Variants in SPAG9 observed in about 807,000 individuals in gnomAD.
The protein encoded by SPAG9 is sperm associated antigen 9.
In SPAG9, 35 loss-of-function variants were observed where a neutral mutation model predicts 166.5. That is an observed-to-expected ratio of 0.21 (90% CI 0.16 to 0.28). The LOEUF (loss-of-function observed/expected upper bound fraction) is 0.28, where lower values mean the gene tolerates loss of function less well. Ranked by LOEUF, SPAG9 falls within the 10% of genes least tolerant of loss-of-function variation. The probability of loss-of-function intolerance (pLI) is 1.00; values close to 1 mark genes in which losing one functional copy is unlikely to be tolerated. For missense variants in SPAG9, 1,235 were observed against 1,603.3 expected, an observed-to-expected ratio of 0.77 and a Z score of 3.92; for synonymous variants, 534 against 565.5, an observed-to-expected ratio of 0.94 and a Z score of 0.79.
chr17:51,074,052 C>T (rs148457337), intron 2 of SPAG9, among the ~76,000 whole-genome samples: 1,882 of 151,476 alleles, frequency 0.012, 29 homozygotes, highest in African/African-American at 0.044. Flanking sequence ...ATGGCTAACA[C>T]GGTGAAACCC....
intron 29 of SPAG9, among the ~76,000 whole-genome samples, chr17:50,967,226 C>T (rs1181621686): frequency 6.6e-6 from 1 of 152,144 alleles, no homozygotes; most frequent in Non-Finnish European, 1.5e-5. Flanking sequence ...TTGGCACAAC[C>T]CAGTGAAAAG....
rs1009605560 is a variant in SPAG9 at position 51,107,039 on chromosome 17, T to C, written c.303+13315A>G. On this transcript the variant is annotated intron_variant, in intron 1 of 29. Transcript: ENST00000262013. ...ATCGCTTGAACCCGGGAGGCGGAGG[T>C]TGCAGCGAGCCAAGATCCCGCCACT... Among the ~76,000 whole-genome samples, 30 of 150,864 alleles carry C rather than the reference T, an allele frequency of 2.0e-4. 1 individual carries two copies. The highest frequency in any genetic ancestry group is 1.6e-4 in the Non-Finnish European group (11 of 67,724).
chr17:51,004,984 GGTAA>G (rs1320452103), intron 12 of SPAG9, among the ~76,000 whole-genome samples: 3 of 152,104 alleles, frequency 2.0e-5, no homozygotes, highest in Non-Finnish European at 2.9e-5. Flanking sequence ...TGCAACTACA[GGTAA>G]GAGCACAGAG....
chr17:50,996,267 T>G, intron 16 of SPAG9: 1 of 258,738 alleles, frequency 3.9e-6, no homozygotes. Flanking sequence ...AAAAATGAAA[T>G]CTTCAAATAT....
intron 1 of SPAG9, among the ~76,000 whole-genome samples, chr17:51,111,366 C>G (rs183965107): frequency 1.3e-4 from 20 of 152,248 alleles, no homozygotes; most frequent in Admixed American, 1.2e-3. Context: ...TGGGTAGGTT[C>G]TAACATCAGT....
chr17:51,010,699 A>C (rs1436505999), intron 9 of SPAG9, among the ~76,000 whole-genome samples: 2 of 151,914 alleles, frequency 1.3e-5, no homozygotes, highest in East Asian at 3.8e-4. Context: ...ATGGAGAGCT[A>C]TTCATTCACT....
chr17:50,982,096 T>C (rs563615087), intron 25 of SPAG9, among the ~76,000 whole-genome samples: 1 of 152,074 alleles, frequency 6.6e-6, no homozygotes, highest in Non-Finnish European at 1.5e-5. Flanking sequence ...GGTTTTCATT[T>C]TTACAACAAA....
chr17:50,970,372 G>C (rs943096948), intron 29 of SPAG9, among the ~76,000 whole-genome samples: 5 of 152,046 alleles, frequency 3.3e-5, no homozygotes, highest in African/African-American at 1.2e-4. Flanking sequence ...AAACTAGCCA[G>C]ATGTGGTGGT....
rs116819168 is a variant in SPAG9 at position 51,062,499 on chromosome 17, C to G, written c.425-6017G>C. Among the ~76,000 whole-genome samples, 1,373 of 152,298 alleles carry G rather than the reference C, an allele frequency of 9.0e-3. 19 individuals are homozygous for G. Among genetic ancestry groups the G allele is most frequent in the African/African-American group, 0.03 (1,266 of 41,562 alleles). On this transcript the variant is annotated intron_variant, in intron 2 of 29. Transcript: ENST00000262013. ...ACTGTCTCCATAGTTTTGCCTTTTC[C>G]AGAATGTCACATAGTGGGAATCATA...
chr17:51,023,724 G>A (rs1490781838), intron 6 of SPAG9, among the ~76,000 whole-genome samples: 1 of 152,102 alleles, frequency 6.6e-6, no homozygotes, highest in Non-Finnish European at 1.5e-5. Context: ...GAGTGCAGTG[G>A]CATAATCTCA....
chr17:51,028,919 T>C (rs1049365522), intron 6 of SPAG9, among the ~76,000 whole-genome samples: 5 of 152,198 alleles, frequency 3.3e-5, no homozygotes, highest in African/African-American at 1.2e-4. Context: ...AAATGACCAC[T>C]AGCCTATCAA....
intron 1 of SPAG9, among the ~76,000 whole-genome samples, chr17:51,089,685 C>CT (rs1247828360): frequency 2.8e-4 from 27 of 95,852 alleles, no homozygotes; most frequent in South Asian, 2.6e-3. Context: ...CACACACTTT[C>CT]TTTTTTTTGA....
chr17:51,117,003 G>A (rs771821206), intron 1 of SPAG9, among the ~76,000 whole-genome samples: 10 of 152,122 alleles, frequency 6.6e-5, no homozygotes, highest in Non-Finnish European at 1.0e-4. Context: ...AAAGGAGAGA[G>A]TGATGGGCGA....
intron 1 of SPAG9, chr17:51,085,256 A>G (rs1473489891): frequency 1.3e-5 from 2 of 152,236 alleles, no homozygotes; most frequent in Non-Finnish European, 2.9e-5. Context: ...AAAAATTTTT[A>G]CCACTATTTT....
In SPAG9 at chr17:50,995,189, C is replaced by T. The variant is rs1455051109; in HGVS notation, c.2094G>A (p.Gly698=). The T allele has an allele frequency of 2.5e-6, 4 of 1,613,844 alleles. No homozygotes were observed. The South Asian group carries it at 4.4e-5, about 18-fold the overall frequency. The part of the protein sequence containing the change: ...WCAVGVNLSG[G]KTRDGGSVVG... ...CAACAGAACCACCATCTCTGGTCTT[C>T]CCACCAGATAAATTGACTCCAACAG... The change falls in exon 18 of 30, where the codon GGG becomes GGA. Residue 698 remains glycine (G), a synonymous_variant. Coordinates refer to ENST00000262013, the MANE Select transcript of SPAG9 (RefSeq NM_001130528.3).
chr17:51,077,899 C>A (rs1034165171), intron 2 of SPAG9, among the ~76,000 whole-genome samples: 2 of 152,050 alleles, frequency 1.3e-5, no homozygotes, highest in Non-Finnish European at 1.5e-5. Flanking sequence ...AATCTGCACG[C>A]CTCGGCAGCC....
intron 1 of SPAG9, among the ~76,000 whole-genome samples, chr17:51,088,763 A>C (rs1351286663): frequency 1.3e-5 from 2 of 151,290 alleles, no homozygotes; most frequent in Non-Finnish European, 2.9e-5. Context: ...GTGCCACTGC[A>C]CTCCAGCCTG....
At position 50,997,004 on chromosome 17, in the gene SPAG9, G is replaced by A. The variant is rs551657322; in HGVS notation, c.1839-310C>T. On this transcript the variant is annotated intron_variant, in intron 15 of 29. Transcript: ENST00000262013. ...AAAATACAAAAATTAGCCAGGCACG[G>A]TAGTGCGGACCTATAATCCCAGCTA... Among the ~76,000 whole-genome samples, 216 of 152,346 alleles carry A rather than the reference G, an allele frequency of 1.4e-3. 1 individual carries two copies. The highest frequency in any genetic ancestry group is 2.5e-3 in the Non-Finnish European group (172 of 68,044).
Position 51,005,242 on chromosome 17 carries a change from A to C in SPAG9, c.1446T>G (p.Asp482Glu), listed in dbSNP as rs2045157346. ...CGTCATCTTTTGCTTTTTGCCTTGC[A>C]TCTTCAGCTTCTGCCCGAGCTCTAG... ...ELRKARAEAEDARQKAKDDDD... is the reference protein window; with the variant it reads ...ELRKARAEAEEARQKAKDDDD... The change falls in exon 12 of 30, where the codon GAT (aspartate) becomes GAG (glutamate). Residue 482 changes from aspartate to glutamate, a missense_variant. Coordinates refer to ENST00000262013, the MANE Select transcript of SPAG9 (RefSeq NM_001130528.3). 4.3e-6 allele frequency: 7 copies of C among 1,614,092 alleles called. No homozygotes were observed. The African/African-American group carries it at 9.3e-5, about 22-fold the overall frequency.
Sources: gnomAD v4.1 joint callset for allele counts (sites outside exome capture counted in the v4.1 genomes callset) on GRCh38, gnomAD v4.1.1 for gene constraint, MANE v1.5 for transcripts, NCBI Gene and HGNC (gene_info 2026-07-23, HGNC 2026-07-21) for gene names.